Variants in TPP2 observed in about 807,000 individuals in gnomAD.
TPP2 encodes tripeptidyl-peptidase 2.
A neutral mutation model predicts 155.9 loss-of-function variants in TPP2; 34 were observed. The observed-to-expected ratio is 0.22, with a 90% CI of 0.17 to 0.29. TPP2 has a LOEUF of 0.29. Ranked by LOEUF, TPP2 falls within the 10% of genes least tolerant of loss-of-function variation. TPP2 has a pLI of 1.00. For synonymous variants in TPP2, 510 were observed against 529.4 expected, an observed-to-expected ratio of 0.96 and a Z score of 0.50; for missense variants, 1,028 against 1,522.3, an observed-to-expected ratio of 0.68 and a Z score of 5.40.
intron 10 of TPP2, among the ~76,000 whole-genome samples, chr13:102,630,886 C>G (rs1881968068): frequency 1.3e-5 from 2 of 152,164 alleles, no homozygotes; most frequent in South Asian, 4.1e-4. Context: ...GAATTTAGTT[C>G]AGCAAATACC....
At chr13:102,677,498 C>T (rs1885352622) in intron 29 of TPP2, among the ~76,000 whole-genome samples, 2 of 152,272 alleles carry the variant, frequency 1.3e-5, no homozygotes, top group Non-Finnish European at 1.5e-5. Flanking sequence ...CCCCTGCCTA[C>T]CTCTCCAGAC....
chr13:102,633,127 G>T (rs926576005), intron 10 of TPP2, among the ~76,000 whole-genome samples: 1 of 152,212 alleles, frequency 6.6e-6, no homozygotes, highest in Non-Finnish European at 1.5e-5. Context: ...TAGCCAGGGA[G>T]GCGGAAGTGT....
intron 17 of TPP2, 147 bp from the exon 18 acceptor site, chr13:102,644,407 TTAC>T (rs760188692): frequency 3.4e-5 from 20 of 589,312 alleles, no homozygotes; most frequent in African/African-American, 5.6e-5. Flanking sequence ...TGTCTAACTC[TTAC>T]TTAGCATAGC....
chr13:102,620,956 TAAAAC>T (rs148587496), intron 5 of TPP2, among the ~76,000 whole-genome samples: 6,152 of 152,290 alleles, frequency 0.04, 187 homozygotes, highest in Non-Finnish European at 0.058. Context: ...GAGAAATACA[TAAAAC>T]AAAAGCCTTT....
At chr13:102,616,602 A>C in intron 4 of TPP2, 102 bp downstream of exon 4, 1 of 979,224 alleles carries the variant, frequency 1.0e-6, no homozygotes. Flanking sequence ...TTCTTTTTTC[A>C]CAAATTTTCT....
At chr13:102,614,275 AAG>A in intron 3 of TPP2, 79 bp downstream of exon 3, 1 of 1,254,466 alleles carries the variant, frequency 8.0e-7, no homozygotes, top group South Asian at 1.5e-5. Context: ...ACTGAAGAAA[AAG>A]AAATATTTCA....
At chr13:102,671,039 A>G (rs540979579) in intron 27 of TPP2, among the ~76,000 whole-genome samples, 1 of 152,338 alleles carries the variant, frequency 6.6e-6, no homozygotes, top group Admixed American at 6.5e-5. Flanking sequence ...CCTGATTTAC[A>G]TGATACTGAC....
At position 102,679,159 on chromosome 13, in the gene TPP2, A is replaced by G. The variant is rs950841955; in HGVS notation, c.*843A>G. 2.6e-5 allele frequency: 4 copies of G among 152,604 alleles called. No homozygotes were observed. Among genetic ancestry groups the G allele is most frequent in the African/African-American group, 9.7e-5 (4 of 41,448 alleles). 9.5% of individuals were successfully genotyped at this position (152,604 alleles called of 1,614,324 possible). A position where few individuals can be genotyped will look rare whatever the true frequency, so the allele number is the denominator to read the frequency against. On this transcript the variant is annotated 3_prime_UTR_variant, in exon 30 of 30. Coordinates refer to ENST00000376052, the MANE Select transcript of TPP2 (RefSeq NM_001330588.2). ...TTTTTTATAAATAATAAAAGTGAAT[A>G]TTGAAGCTTCTTAAAGTTGGTCTTA...
Position 102,648,429 on chromosome 13 carries a change from C to CGTGTGTGTGTGT in TPP2, c.2629-451_2629-440dup, listed in dbSNP as rs56934655. 9.7e-3 allele frequency among the ~76,000 whole-genome samples: 1,439 copies of CGTGTGTGTGTGT among 148,028 alleles called. 10 individuals carry two copies. The highest frequency in any genetic ancestry group is 0.031 in the Middle Eastern group (9 of 286). ...GGATTACCAGTAGTCATAAGTTACA[C>CGTGTGTGTGTGT]GTGTGTGTGTGTGTGTGTGTGTGTG... On this transcript the variant is annotated intron_variant, in intron 21 of 29. Coordinates refer to ENST00000376052, the MANE Select transcript of TPP2 (RefSeq NM_001330588.2).
At chr13:102,649,607 A>G (rs1883359791) in intron 23 of TPP2, 121 bp downstream of exon 23, 1 of 800,260 alleles carries the variant, frequency 1.2e-6, no homozygotes, top group South Asian at 2.4e-5. Context: ...GGGGAAAAAA[A>G]TTTAATCCTT....
rs199922676 is a variant in TPP2, at chr13:102,640,404, G to C, written c.2020+28G>C. ...AGGTAAAATTAAAATCTGTGTGACCGCTTATCTCTGTTTACGTTCTAATGA... is the reference window on the plus strand; with the variant it reads ...AGGTAAAATTAAAATCTGTGTGACCCCTTATCTCTGTTTACGTTCTAATGA... On this transcript the variant is annotated intron_variant, in intron 16 of 29. Transcript: ENST00000376052. 2.5e-4 allele frequency: 392 copies of C among 1,541,936 alleles called. 2 individuals carry two copies. The highest frequency in any genetic ancestry group is 6.5e-4 in the South Asian group (58 of 89,068).
At chr13:102,663,538 AATGTC>A (rs1480421824) in intron 25 of TPP2, 105 bp from the exon 26 acceptor site, 26 of 691,222 alleles carry the variant, frequency 3.8e-5, no homozygotes, top group Non-Finnish European at 5.6e-5. Context: ...ATTTCAAATT[AATGTC>A]TTATTTTATT....
chr13:102,657,871 T>G (rs1466881519), intron 25 of TPP2, among the ~76,000 whole-genome samples: 2 of 152,176 alleles, frequency 1.3e-5, no homozygotes, highest in Non-Finnish European at 2.9e-5. Flanking sequence ...GCTGTGTATG[T>G]GTGCTACTAC....
chr13:102,635,833 T>A, intron 12 of TPP2, 131 bp downstream of exon 12: 4 of 715,750 alleles, frequency 5.6e-6, no homozygotes, highest in Admixed American at 5.9e-5. Context: ...GCCATAGAAC[T>A]ACAAGCAAAA....
At chr13:102,643,471 A>C in intron 17 of TPP2, 95 bp downstream of exon 17, 1 of 1,199,804 alleles carries the variant, frequency 8.3e-7, no homozygotes, top group Non-Finnish European at 1.1e-6. Flanking sequence ...TATAGTTTGT[A>C]TTTAGCATGT....
intron 25 of TPP2, 150 bp downstream of exon 25, chr13:102,657,357 A>G (rs1259664209): frequency 6.1e-6 from 2 of 327,696 alleles, no homozygotes; most frequent in East Asian, 5.5e-5. Context: ...CTCTTTTTAT[A>G]TAAATGTGTA....
intron 22 of TPP2, 23 bp downstream of exon 22, chr13:102,649,174 C>T (rs1403288142): frequency 2.5e-6 from 4 of 1,581,946 alleles, no homozygotes; most frequent in Non-Finnish European, 3.4e-6. Context: ...ATTGCTTATA[C>T]TTACTGCCCA....
In TPP2 at chr13:102,613,065, T is replaced by G. The variant is rs77161544; in HGVS notation, c.295-1036T>G. Among the ~76,000 whole-genome samples, 25 of 152,336 alleles carry G rather than the reference T, an allele frequency of 1.6e-4. No individual in the cohort carries two copies. The East Asian group carries it at 4.6e-3, about 28-fold the overall frequency. ...AAAACATTAAAGTTCAGAATTCCTATTCTTTAAAGAAGGTTCAGTTTTGAG... is the reference window on the plus strand; with the variant it reads ...AAAACATTAAAGTTCAGAATTCCTAGTCTTTAAAGAAGGTTCAGTTTTGAG... On this transcript the variant is annotated intron_variant, in intron 2 of 29. Transcript: ENST00000376052.
At chr13:102,660,533 G>T in intron 25 of TPP2, among the ~76,000 whole-genome samples, 1 of 152,232 alleles carries the variant, frequency 6.6e-6, no homozygotes, top group South Asian at 2.1e-4. Context: ...TTTGTCTGTG[G>T]ACCAGAAGAC....
Sources: allele counts gnomAD v4.1 joint callset (sites outside exome capture counted in the v4.1 genomes callset), GRCh38; gene constraint gnomAD v4.1.1; transcripts MANE v1.5; gene names NCBI Gene and HGNC (gene_info 2026-07-23, HGNC 2026-07-21).